MYO5B: variants seen among roughly 807,000 people sequenced by gnomAD.
MYO5B encodes unconventional myosin-Vb.
A neutral mutation model predicts 229.3 loss-of-function variants in MYO5B; 143 were observed. The observed-to-expected ratio is 0.62, with a 90% confidence interval of 0.54 to 0.72. The LOEUF is 0.72. Among genes scored for constraint, MYO5B ranks in the 30% least tolerant of loss-of-function variants. The probability of loss-of-function intolerance (pLI) is 0.00; values close to 1 mark genes in which losing one functional copy is unlikely to be tolerated. For missense variants in MYO5B, 2,321 were observed against 2,331.0 expected (o/e 1.00, Z 0.09); for synonymous variants, 918 against 885.2 (o/e 1.04, Z -0.66).
chr18:50,124,936 G>A (rs966276042), intron 1 of MYO5B, among the ~76,000 whole-genome samples: 8 of 78,368 alleles, frequency 1.0e-4, no homozygotes, highest in African/African-American at 3.3e-4. Context: ...GATCAATAAA[G>A]AGACTACAGT....
intron 4 of MYO5B, among the ~76,000 whole-genome samples, chr18:50,017,764 C>T (rs1460311305): frequency 6.6e-6 from 1 of 152,162 alleles, no homozygotes; most frequent in East Asian, 1.9e-4. Flanking sequence ...AAAGATGAGA[C>T]ACAGCATACT....
intron 31 of MYO5B, 103 bp from the exon 32 acceptor site, chr18:49,849,763 C>T: frequency 2.3e-6 from 2 of 864,392 alleles, no homozygotes; most frequent in Non-Finnish European, 3.9e-6. Flanking sequence ...GGCCCATGGG[C>T]AGCCGTCAGA....
chr18:49,844,628 C>T (rs1175577210), intron 33 of MYO5B, among the ~76,000 whole-genome samples: 1 of 152,246 alleles, frequency 6.6e-6, no homozygotes, highest in Non-Finnish European at 1.5e-5. Flanking sequence ...CTCTTGAGTA[C>T]ATGGTTGACA....
Position 50,138,807 on chromosome 18 carries a change from T to C in MYO5B, c.27+55960A>G, listed in dbSNP as rs531442757. On this transcript the variant is annotated intron_variant, in intron 1 of 39. Coordinates refer to ENST00000285039, the MANE Select transcript of MYO5B (RefSeq NM_001080467.3). ...ATTTCCTGGTGGTTCCAAGGGGAAA[T>C]TTCCATGTATTTGCTTAAGTACCAG... 2.6e-3 allele frequency among the ~76,000 whole-genome samples: 403 copies of C among 152,296 alleles called. 3 individuals carry two copies. Among genetic ancestry groups the C allele is most frequent in the South Asian group, 7.3e-3 (35 of 4,824 alleles).
At chr18:49,974,020 A>G (rs2025718078) in intron 10 of MYO5B, among the ~76,000 whole-genome samples, 1 of 152,212 alleles carries the variant, frequency 6.6e-6, no homozygotes, top group Non-Finnish European at 1.5e-5. Context: ...AACTTGCAAA[A>G]TCACATTGGG....
intron 4 of MYO5B, among the ~76,000 whole-genome samples, chr18:50,024,505 C>T (rs1480213490): frequency 1.3e-5 from 2 of 152,152 alleles, no homozygotes; most frequent in Admixed American, 6.6e-5. Context: ...AAAAGGACAT[C>T]TTTTTAAAAG....
At position 49,954,024 on chromosome 18, in the gene MYO5B, A is replaced by ATGTG. The variant is rs766610907; in HGVS notation, c.1668+285_1668+288dup. Among the ~76,000 whole-genome samples the ATGTG allele has an allele frequency of 3.8e-3, 192 of 51,120 alleles. 1 individual carries two copies. Among genetic ancestry groups the ATGTG allele is most frequent in the South Asian group, 7.0e-3 (12 of 1,720 alleles). 33.5% of individuals were successfully genotyped at this position (51,120 alleles called of 152,430 possible). Reference sequence around the variant, plus strand: ...GACATATATGTGTGTATGTATTTATATGTGTGTGTGTGTGTGTGTGTGTGT... The same window carrying ATGTG: ...GACATATATGTGTGTATGTATTTATATGTGTGTGTGTGTGTGTGTGTGTGTGTGT... On this transcript the variant is annotated intron_variant, in intron 13 of 39. Transcript: ENST00000285039.
In MYO5B at chr18:49,875,650, C is replaced by G. The variant is rs768459411; in HGVS notation, c.3537+37G>C. ...CACAAGAGCTAGATTGTTCTCTCATCCAAGCACCATAAGAGCACTGCAGCC... is the reference window on the plus strand; with the variant it reads ...CACAAGAGCTAGATTGTTCTCTCATGCAAGCACCATAAGAGCACTGCAGCC... On this transcript the variant is annotated intron_variant, in intron 26 of 39. Coordinates refer to ENST00000285039, the MANE Select transcript of MYO5B (RefSeq NM_001080467.3). 9.9e-6 allele frequency: 16 copies of G among 1,613,642 alleles called. No homozygotes were observed. In the South Asian group the frequency reaches 1.6e-4, roughly 17 times the overall value.
At position 50,153,019 on chromosome 18, in the gene MYO5B, G is replaced by A. The variant is rs542843680; in HGVS notation, c.27+41748C>T. Among the ~76,000 whole-genome samples the A allele has an allele frequency of 2.2e-4, 34 of 152,228 alleles. 1 individual carries two copies. The South Asian group carries it at 7.1e-3, about 32-fold the overall frequency. On this transcript the variant is annotated intron_variant, in intron 1 of 39. Coordinates refer to ENST00000285039, the MANE Select transcript of MYO5B (RefSeq NM_001080467.3). ...TGCAGGAAATCAAACTAAAGTTACT[G>A]CTGGTATATTCATGCAGATTTCAGG...
At chr18:50,162,213 A>G (rs1459288368) in intron 1 of MYO5B, among the ~76,000 whole-genome samples, 1 of 152,252 alleles carries the variant, frequency 6.6e-6, no homozygotes, top group East Asian at 1.9e-4. Context: ...TCTAAAATGT[A>G]TTTCTGCATA....
rs116608990 is a variant in MYO5B, at chr18:49,959,450, G to A, written c.1545+2816C>T. Among the ~76,000 whole-genome samples the A allele has an allele frequency of 1.1e-3, 175 of 152,318 alleles. 2 individuals carry two copies. The highest frequency in any genetic ancestry group is 4.1e-3 in the African/African-American group (172 of 41,560). The stretch of plus-strand genomic sequence containing the variant: ...ACTTCTTAAGAAACCACAATCCCCT[G>A]ATCTGAATACAGAGTAAATCCTCCT... On this transcript the variant is annotated intron_variant, in intron 12 of 39. Coordinates refer to ENST00000285039, the MANE Select transcript of MYO5B (RefSeq NM_001080467.3).
intron 38 of MYO5B, 132 bp from the exon 39 acceptor site, chr18:49,835,556 T>C: frequency 1.5e-6 from 1 of 681,552 alleles, no homozygotes; most frequent in South Asian, 1.7e-5. Flanking sequence ...CAGATGGAGC[T>C]GGACTGACAT....
intron 14 of MYO5B, among the ~76,000 whole-genome samples, chr18:49,948,353 A>G (rs1415322602): frequency 1.3e-5 from 2 of 152,186 alleles, no homozygotes; most frequent in African/African-American, 2.4e-5. Flanking sequence ...ATTTAGATGA[A>G]TATTTTAAAA....
intron 4 of MYO5B, among the ~76,000 whole-genome samples, chr18:50,035,527 C>T (rs979879077): frequency 7.2e-5 from 11 of 152,274 alleles, no homozygotes; most frequent in South Asian, 2.1e-4. Context: ...GTGCCATACC[C>T]GCGGCCTCCA....
intron 4 of MYO5B, among the ~76,000 whole-genome samples, chr18:50,019,133 T>G (rs1056932722): frequency 2.6e-5 from 4 of 152,172 alleles, no homozygotes; most frequent in African/African-American, 9.7e-5. Context: ...GAAACCTCAT[T>G]GACATTTGAA....
At chr18:50,023,684 A>G (rs2026300880) in intron 4 of MYO5B, among the ~76,000 whole-genome samples, 2 of 152,198 alleles carry the variant, frequency 1.3e-5, no homozygotes, top group African/African-American at 4.8e-5. Context: ...AAAAAGACTA[A>G]AAGACCATTC....
intron 1 of MYO5B, among the ~76,000 whole-genome samples, chr18:50,144,321 C>T (rs1336071382): frequency 6.6e-6 from 1 of 152,208 alleles, no homozygotes; most frequent in Non-Finnish European, 1.5e-5. Flanking sequence ...TTGCTGCCAA[C>T]TCAAGACTGC....
At chr18:50,084,060 T>C (rs1005609094) in intron 1 of MYO5B, among the ~76,000 whole-genome samples, 1 of 152,168 alleles carries the variant, frequency 6.6e-6, no homozygotes, top group African/African-American at 2.4e-5. Context: ...AAAAGGTATA[T>C]GAGAGAATTC....
intron 12 of MYO5B, among the ~76,000 whole-genome samples, chr18:49,961,340 AG>A (rs2025556737): frequency 6.6e-6 from 1 of 152,114 alleles, no homozygotes; most frequent in Non-Finnish European, 1.5e-5. Flanking sequence ...AACCTTCAGG[AG>A]GTTAAAAAAA....
Sources: allele counts gnomAD v4.1 joint callset (sites outside exome capture counted in the v4.1 genomes callset), GRCh38; gene constraint gnomAD v4.1.1; transcripts MANE v1.5; gene names NCBI Gene and HGNC (gene_info 2026-07-23, HGNC 2026-07-21).